C4orf50: variants seen among roughly 807,000 people sequenced by gnomAD.
The protein encoded by C4orf50 is uncharacterized protein C4orf50.
Under a neutral mutation model 77.2 loss-of-function variants are expected in C4orf50, and 80 were observed. The ratio of observed to expected loss-of-function variants is 1.04; its 90% confidence interval spans 0.87 to 1.25. C4orf50 has a LOEUF of 1.25. Ranked by LOEUF, C4orf50 falls within the 50% of genes most tolerant of loss-of-function variation. The probability of loss-of-function intolerance (pLI) is 0.00; values close to 1 mark genes in which losing one functional copy is unlikely to be tolerated. For missense variants in C4orf50, 1,257 were observed against 1,152.9 expected (o/e 1.09, Z -1.31); for synonymous variants, 532 against 465.3 (o/e 1.14, Z -1.84).
exon 28 of C4orf50, chr4:5,988,985 T>C (rs1184780885): frequency 1.3e-6 from 2 of 1,536,044 alleles, no homozygotes; most frequent in Admixed American, 3.9e-5. Context: ...AGTGTTTCAT[T>C]TTCCTCTTCA....
rs1185770504 is a variant in C4orf50, at chr4:6,015,270, G to A, written c.287+2875C>T. The stretch of plus-strand genomic sequence containing the variant: ...AGTTGAAAGAAAGTCATGAGCGTGG[G>A]CCCAGATCCAATCCGACTGGGGTCC... On this transcript the variant is annotated intron_variant, in intron 23 of 33. Coordinates refer to ENST00000531445, the Ensembl canonical transcript of C4orf50. The surrounding 1 kb of genome is among the most constrained non-coding windows in gnomAD (Gnocchi z 4.4). Among the ~76,000 whole-genome samples the A allele has an allele frequency of 6.6e-6, 1 of 152,076 alleles. No homozygotes were observed. The highest frequency in any genetic ancestry group is 2.4e-5 in the African/African-American group (1 of 41,386).
rs896333232 is a variant in C4orf50, at chr4:6,015,081, C to G, written c.287+3064G>C. On this transcript the variant is annotated intron_variant, in intron 23 of 33. Coordinates refer to ENST00000531445, the Ensembl canonical transcript of C4orf50. The surrounding 1 kb of genome is among the most constrained non-coding windows in gnomAD (Gnocchi z 4.4). ...GAATGTACAACCCTGTATGGGCCTA[C>G]GCTGCTAGTCTCTCAGCCCAGGGCC... Among the ~76,000 whole-genome samples the G allele has an allele frequency of 6.6e-6, 1 of 152,198 alleles. No homozygotes were observed. The highest frequency in any genetic ancestry group is 1.5e-5 in the Non-Finnish European group (1 of 68,038).
chr4:5,938,571 C>T (rs1004123619), intron 7 of C4orf50, among the ~76,000 whole-genome samples: 5 of 121,650 alleles, frequency 4.1e-5, no homozygotes, highest in African/African-American at 1.5e-4. Context: ...TTTACTAGGT[C>T]CCTTGAACAG....
rs1475455523 is a variant in C4orf50 at position 5,900,796 on chromosome 4, T to A, written c.*2475-2608A>T. 1 of 152,190 alleles carries A rather than the reference T, an allele frequency of 6.6e-6. No homozygotes were observed. The highest frequency in any genetic ancestry group is 1.9e-4 in the East Asian group (1 of 5,192). 9.4% of individuals were successfully genotyped at this position (152,190 alleles called of 1,614,324 possible). A position where few individuals can be genotyped will look rare whatever the true frequency, so the allele number is the denominator to read the frequency against. On this transcript the variant is annotated intron_variant, in intron 7 of 7. Coordinates refer to the C4orf50 transcript ENST00000324058. This position sits in a 1 kb window ranked among gnomAD's most constrained non-coding sequence, Gnocchi z 4.3. ...GGAGGAGAAGGATGCTTACACTAGA[T>A]GAAGTCTGAGGCTGTCTCCAGCTCC...
At chr4:5,979,934 G>A (rs1483446184) in intron 29 of C4orf50, among the ~76,000 whole-genome samples, 6 of 152,066 alleles carry the variant, frequency 3.9e-5, no homozygotes, top group Non-Finnish European at 5.9e-5. Flanking sequence ...CTGTAAGCCT[G>A]CTTGACTTTT....
chr4:5,971,072 A>G (rs6446425), intron 31 of C4orf50, among the ~76,000 whole-genome samples: 59,773 of 152,026 alleles, frequency 0.39, 12,558 homozygotes, highest in East Asian at 0.68. Flanking sequence ...CTCCAGGGGT[A>G]TTCCTGGAAG....
At chr4:5,985,648 A>C (rs1577966709) in intron 28 of C4orf50, among the ~76,000 whole-genome samples, 1 of 152,204 alleles carries the variant, frequency 6.6e-6, no homozygotes, top group Middle Eastern at 3.4e-3. Context: ...AGAACAGATG[A>C]GACAAATAGA....
chr4:6,017,765 C>T lies in C4orf50; in HGVS notation c.287+380G>A, dbSNP rs1722734542. On this transcript the variant is annotated intron_variant, in intron 23 of 33. Transcript: ENST00000531445. This position sits in a 1 kb window ranked among gnomAD's most constrained non-coding sequence, Gnocchi z 4.7. ...AAACCGACCAACTGGATTTGTCTGCCTCTGTCCTTGGTTTCTCAGTTCCTT... is the reference window on the plus strand; with the variant it reads ...AAACCGACCAACTGGATTTGTCTGCTTCTGTCCTTGGTTTCTCAGTTCCTT... Among the ~76,000 whole-genome samples, 1 of 152,174 alleles carries T rather than the reference C, an allele frequency of 6.6e-6. No homozygotes were observed. Among genetic ancestry groups the T allele is most frequent in the Non-Finnish European group, 1.5e-5 (1 of 68,018 alleles).
chr4:5,991,396 C>CATCTCA (rs1264671534), intron 27 of C4orf50, among the ~76,000 whole-genome samples: 21 of 152,206 alleles, frequency 1.4e-4, no homozygotes, highest in Non-Finnish European at 5.9e-5. Context: ...ATGGATGGGG[C>CATCTCA]TGGTGCAGGT....
rs1720987244 is a variant in C4orf50, at chr4:5,988,244, T to C, written c.3699+103A>G. On this transcript the variant is annotated intron_variant, in intron 28 of 33. Coordinates refer to ENST00000531445, the Ensembl canonical transcript of C4orf50. ...TCATCTGGTAAGTGGGGAGGATGATTGTACCTCCCTCACAGGACTCTGGTG... is the reference window on the plus strand; with the variant it reads ...TCATCTGGTAAGTGGGGAGGATGATCGTACCTCCCTCACAGGACTCTGGTG... 7 of 1,446,176 alleles carry C rather than the reference T, an allele frequency of 4.8e-6. No individual in the cohort carries two copies. In the South Asian group the frequency reaches 9.4e-5, roughly 19 times the overall value. The allele number at this position is 1,446,176 out of a possible 1,614,324, so 89.6% of individuals were successfully genotyped here. A position where few individuals can be genotyped will look rare whatever the true frequency, so the allele number is the denominator to read the frequency against.
chr4:5,930,994 G>A lies in C4orf50; in HGVS notation c.*2474+25907C>T, dbSNP rs148134322. On this transcript the variant is annotated intron_variant, in intron 7 of 7. Transcript: ENST00000324058. ...GTGCACAAACGCCTCGTGCATAAAT[G>A]AGCAAACAGTTCAGGTCCAGCTGGC... Among the ~76,000 whole-genome samples the A allele has an allele frequency of 1.3e-3, 198 of 152,306 alleles. 1 individual carries two copies. Among genetic ancestry groups the A allele is most frequent in the African/African-American group, 3.7e-3 (152 of 41,572 alleles).
At chr4:5,947,240 G>C (rs529027963) in intron 7 of C4orf50, among the ~76,000 whole-genome samples, 130 of 152,230 alleles carry the variant, frequency 8.5e-4, no homozygotes, top group African/African-American at 3.0e-3. Flanking sequence ...ATGAAGCTGA[G>C]CTGTGTGACC....
exon 28 of C4orf50, chr4:5,988,910 T>C: frequency 2.0e-6 from 3 of 1,536,124 alleles, no homozygotes; most frequent in Non-Finnish European, 2.6e-6. Context: ...ACTTGCTCCA[T>C]CGTGTCTTTG....
chr4:5,910,907 CTTTTTTTTT>C (rs33913636), intron 7 of C4orf50, among the ~76,000 whole-genome samples: 8 of 106,552 alleles, frequency 7.5e-5, no homozygotes, highest in Admixed American at 3.7e-4. Context: ...CCCTTTCTTT[CTTTTTTTTT>C]TTTTTTTTTT....
chr4:6,005,117 T>C (rs1246524060), intron 25 of C4orf50, among the ~76,000 whole-genome samples: 1 of 152,140 alleles, frequency 6.6e-6, no homozygotes, highest in Non-Finnish European at 1.5e-5. Context: ...CCACTTGCAT[T>C]CCTGCCTGCA....
chr4:5,938,285 C>T (rs557986446), intron 7 of C4orf50, among the ~76,000 whole-genome samples: 7 of 152,300 alleles, frequency 4.6e-5, no homozygotes, highest in African/African-American at 1.7e-4. Flanking sequence ...GAAAATCCCA[C>T]ATATTAAGAA....
At position 5,923,326 on chromosome 4, in the gene C4orf50, A is replaced by C. The variant is rs990958206; in HGVS notation, c.*2475-25138T>G. On this transcript the variant is annotated intron_variant, in intron 7 of 7. Transcript: ENST00000324058. ...TAACAACAAGAACAAGGACAGAAAC[A>C]GTGATGGCAATGAGCCCTGAGTGTG... The C allele has an allele frequency of 1.9e-5, 3 of 154,490 alleles. No individual in the cohort carries two copies. In the East Asian group the frequency reaches 5.8e-4, roughly 30 times the overall value. 9.6% of individuals were successfully genotyped at this position (154,490 alleles called of 1,614,324 possible).
At chr4:5,981,121 G>A (rs1720559225) in intron 28 of C4orf50, among the ~76,000 whole-genome samples, 1 of 152,074 alleles carries the variant, frequency 6.6e-6, no homozygotes, top group South Asian at 2.1e-4. Context: ...TACTAACACA[G>A]ATTTTCTATA....
intron 7 of C4orf50, among the ~76,000 whole-genome samples, chr4:5,949,357 C>T (rs1718625265): frequency 6.6e-6 from 1 of 152,180 alleles, no homozygotes; most frequent in African/African-American, 2.4e-5. Context: ...GATTATTCAC[C>T]CTCAAAAGAA....
Sources: gnomAD v4.1 joint callset for allele counts (sites outside exome capture counted in the v4.1 genomes callset) on GRCh38, gnomAD v4.1.1 for gene constraint, Gnocchi (gnomAD v3.1) non-coding constraint, MANE v1.5 for transcripts, NCBI Gene and HGNC (gene_info 2026-07-23, HGNC 2026-07-21) for gene names.